The following ZDHHC14 variants were observed in gnomAD, a reference collection of about 807,000 sequenced individuals.
The protein encoded by ZDHHC14 is palmitoyltransferase ZDHHC14.
A neutral mutation model predicts 47.7 loss-of-function variants in ZDHHC14; 16 were observed. The ratio of observed to expected loss-of-function variants is 0.34; its 90% confidence interval spans 0.23 to 0.51. ZDHHC14 has a LOEUF of 0.51. Ranked by LOEUF, ZDHHC14 falls within the 20% of genes least tolerant of loss-of-function variation. ZDHHC14 has a pLI of 0.97. For synonymous variants in ZDHHC14, 293 were observed against 278.9 expected (o/e 1.05, Z -0.50); for missense variants, 515 against 662.5 (o/e 0.78, Z 2.44).
chr6:157,457,359 A>G (rs1583662437), intron 1 of ZDHHC14, among the ~76,000 whole-genome samples: 3 of 152,136 alleles, frequency 2.0e-5, no homozygotes, highest in African/African-American at 7.2e-5. Flanking sequence ...CTGGTATTGT[A>G]AAATCTGTTT....
intron 1 of ZDHHC14, among the ~76,000 whole-genome samples, chr6:157,538,272 G>C (rs143412718): frequency 2.3e-4 from 35 of 152,290 alleles, no homozygotes; most frequent in African/African-American, 8.4e-4. Flanking sequence ...GTGAACATGA[G>C]GCACACTCGG....
rs1042628811 is a variant in ZDHHC14 at position 157,582,701 on chromosome 6, G to A, written c.407-10287G>A. On this transcript the variant is annotated intron_variant, in intron 2 of 8. Coordinates refer to ENST00000359775, the MANE Select transcript of ZDHHC14 (RefSeq NM_024630.3). This position sits in a 1 kb window ranked among gnomAD's most constrained non-coding sequence, Gnocchi z 4.3. ...TCATCTTGGAGAATCTGATGATTATGTGTCTTGGGGATATTCTTCTTGTGT... is the reference window on the plus strand; with the variant it reads ...TCATCTTGGAGAATCTGATGATTATATGTCTTGGGGATATTCTTCTTGTGT... 6.6e-6 allele frequency among the ~76,000 whole-genome samples: 1 copy of A among 152,116 alleles called. No individual in the cohort carries two copies. Among genetic ancestry groups the A allele is most frequent in the Non-Finnish European group, 1.5e-5 (1 of 68,006 alleles).
At chr6:157,592,306 A>G (rs1282118931) in intron 2 of ZDHHC14, among the ~76,000 whole-genome samples, 10 of 152,192 alleles carry the variant, frequency 6.6e-5, no homozygotes, top group Admixed American at 6.5e-4. Flanking sequence ...TAAAGGTGCT[A>G]TTGAGATGAT....
At chr6:157,585,413 C>CA (rs111505965) in intron 2 of ZDHHC14, among the ~76,000 whole-genome samples, 6,139 of 98,768 alleles carry the variant, frequency 0.062, 173 homozygotes, top group Non-Finnish European at 0.096. Context: ...ACCAAAAATA[C>CA]AAAAAAAAAA....
chr6:157,400,676 C>T (rs1777617709), intron 1 of ZDHHC14, among the ~76,000 whole-genome samples: 2 of 152,218 alleles, frequency 1.3e-5, no homozygotes, highest in Admixed American at 6.5e-5. Context: ...CAGGATGCCT[C>T]GTACTCTTGT....
At chr6:157,452,771 C>T (rs1001430188) in intron 1 of ZDHHC14, among the ~76,000 whole-genome samples, 1 of 129,152 alleles carries the variant, frequency 7.7e-6, no homozygotes, top group African/African-American at 3.0e-5. Context: ...GGTGCGATCT[C>T]GGCTCACTGC....
chr6:157,655,684 G>C (rs1778054488), intron 8 of ZDHHC14, among the ~76,000 whole-genome samples: 1 of 152,214 alleles, frequency 6.6e-6, no homozygotes. Flanking sequence ...AAAGTTTGTG[G>C]GGTACAGCTC....
At chr6:157,571,778 T>TA (rs1295720669) in intron 2 of ZDHHC14, among the ~76,000 whole-genome samples, 1 of 134,630 alleles carries the variant, frequency 7.4e-6, no homozygotes, top group African/African-American at 2.8e-5. Flanking sequence ...GAATCTGTAT[T>TA]TTTTTTTTTT....
intron 2 of ZDHHC14, among the ~76,000 whole-genome samples, chr6:157,543,236 A>C (rs191332937): frequency 6.6e-6 from 1 of 152,334 alleles, no homozygotes; most frequent in East Asian, 1.9e-4. Flanking sequence ...ATATGTATTG[A>C]GATGAATAGC....
intron 2 of ZDHHC14, among the ~76,000 whole-genome samples, chr6:157,545,623 G>A (rs986249682): frequency 2.6e-5 from 4 of 151,756 alleles, no homozygotes; most frequent in East Asian, 1.9e-4. Flanking sequence ...GCTTGCAGCC[G>A]AGATCACGCC....
At chr6:157,414,426 C>T (rs1583624406) in intron 1 of ZDHHC14, among the ~76,000 whole-genome samples, 3 of 152,342 alleles carry the variant, frequency 2.0e-5, no homozygotes, top group Admixed American at 2.0e-4. Context: ...TGGTGCCACC[C>T]TTCCACTTCC....
At chr6:157,595,938 T>A (rs1256411716) in intron 3 of ZDHHC14, among the ~76,000 whole-genome samples, 1 of 152,078 alleles carries the variant, frequency 6.6e-6, no homozygotes. Flanking sequence ...GTGGGGAAGT[T>A]TGGGGCAGGA....
At chr6:157,608,622 G>A (rs930727046) in intron 3 of ZDHHC14, among the ~76,000 whole-genome samples, 1 of 152,232 alleles carries the variant, frequency 6.6e-6, no homozygotes, top group Non-Finnish European at 1.5e-5. Context: ...GGCTGACGTG[G>A]AGACTCAGGT....
intron 1 of ZDHHC14, among the ~76,000 whole-genome samples, chr6:157,439,408 A>G (rs1014929642): frequency 2.0e-5 from 3 of 152,244 alleles, no homozygotes; most frequent in African/African-American, 7.2e-5. Context: ...ATATTAAAAA[A>G]AGCTCAACAT....
chr6:157,550,437 G>A (rs76693661), intron 2 of ZDHHC14, among the ~76,000 whole-genome samples: 23,963 of 121,406 alleles, frequency 0.2, 1,982 homozygotes, highest in Middle Eastern at 0.23. Flanking sequence ...TCACACACAC[G>A]CTCTAGAGAG....
At chr6:157,402,068 G>A (rs1175505543) in intron 1 of ZDHHC14, among the ~76,000 whole-genome samples, 5 of 151,192 alleles carry the variant, frequency 3.3e-5, no homozygotes, top group South Asian at 2.1e-4. Flanking sequence ...AGTGAGATGC[G>A]CACCTGCTGA....
Position 157,420,037 on chromosome 6 carries a change from G to A in ZDHHC14, c.245+37771G>A, listed in dbSNP as rs150338264. On this transcript the variant is annotated intron_variant, in intron 1 of 8. Transcript: ENST00000359775. ...TTTTAATTTGCAATTTCCTAATGAC[G>A]TGAGACATGGAGCATCTTTTCATGT... Among the ~76,000 whole-genome samples the A allele has an allele frequency of 1.9e-3, 285 of 152,314 alleles. 2 individuals are homozygous for A. Among genetic ancestry groups the A allele is most frequent in the African/African-American group, 6.4e-3 (266 of 41,566 alleles).
At position 157,463,187 on chromosome 6, in the gene ZDHHC14, A is replaced by C. The variant is rs940291671; in HGVS notation, c.246-79398A>C. Among the ~76,000 whole-genome samples the C allele has an allele frequency of 6.6e-6, 1 of 152,138 alleles. No homozygotes were observed. The highest frequency in any genetic ancestry group is 1.5e-5 in the Non-Finnish European group (1 of 68,006). ...GAAATGCTTAGTTTGGAAAATGAAG[A>C]CCTGAGAACATAAGAAAATAGAAAT... On this transcript the variant is annotated intron_variant, in intron 1 of 8. Coordinates refer to ENST00000359775, the MANE Select transcript of ZDHHC14 (RefSeq NM_024630.3). The surrounding 1 kb of genome is among the most constrained non-coding windows in gnomAD (Gnocchi z 4.4).
chr6:157,576,960 T>C (rs1279002498), intron 2 of ZDHHC14, among the ~76,000 whole-genome samples: 1 of 152,136 alleles, frequency 6.6e-6, no homozygotes, highest in Admixed American at 6.5e-5. Context: ...TACAGATTAT[T>C]TCATCACCCA....
Sources: allele counts gnomAD v4.1 joint callset (sites outside exome capture counted in the v4.1 genomes callset), GRCh38; gene constraint gnomAD v4.1.1; non-coding constraint Gnocchi (gnomAD v3.1); transcripts MANE v1.5; gene names NCBI Gene and HGNC (gene_info 2026-07-23, HGNC 2026-07-21).